Variants in UNC13C observed in about 807,000 individuals in gnomAD.
The protein encoded by UNC13C is protein unc-13 homolog C.
In UNC13C, 174 loss-of-function variants were observed where a neutral mutation model predicts 245.4. That is an observed-to-expected ratio of 0.71 (90% CI 0.63 to 0.80). UNC13C has a LOEUF of 0.80. Ranked by LOEUF, UNC13C falls within the 30% of genes least tolerant of loss-of-function variation. The probability of loss-of-function intolerance (pLI) is 0.00; values close to 1 mark genes in which losing one functional copy is unlikely to be tolerated. For synonymous variants in UNC13C, 992 were observed against 895.1 expected (o/e 1.11, Z -1.93); for missense variants, 2,829 against 2,602.9 (o/e 1.09, Z -1.89).
chr15:54,472,631 C>T (rs1892522879), intron 19 of UNC13C, among the ~76,000 whole-genome samples: 1 of 151,778 alleles, frequency 6.6e-6, no homozygotes. Flanking sequence ...ATCACTCCTT[C>T]CTTTTTTCTG....
At chr15:53,966,370 A>C in the UNC13C span, among the ~76,000 whole-genome samples, 1 of 152,162 alleles carries the variant, frequency 6.6e-6, no homozygotes, top group Admixed American at 6.6e-5. Context: ...TTTTATGCCA[A>C]CATTTTTCCA....
chr15:54,297,246 G>A (rs2037460255), intron 11 of UNC13C, among the ~76,000 whole-genome samples: 1 of 152,054 alleles, frequency 6.6e-6, no homozygotes, highest in Non-Finnish European at 1.5e-5. Flanking sequence ...GAATTGCAGG[G>A]TCTTCTGATT....
At chr15:53,902,868 G>T in the UNC13C span, among the ~76,000 whole-genome samples, 1 of 152,262 alleles carries the variant, frequency 6.6e-6, no homozygotes, top group Non-Finnish European at 1.5e-5. Context: ...AGGTATGAAG[G>T]CAGAAAATAA....
At chr15:54,073,163 A>G (rs1566991406) in intron 2 of UNC13C, among the ~76,000 whole-genome samples, 1 of 152,110 alleles carries the variant, frequency 6.6e-6, no homozygotes, top group East Asian at 1.9e-4. Flanking sequence ...TAGTTTGCTG[A>G]GAATGGTGGT....
At chr15:54,356,883 A>T (rs2039107663) in intron 17 of UNC13C, among the ~76,000 whole-genome samples, 1 of 152,150 alleles carries the variant, frequency 6.6e-6, no homozygotes, top group South Asian at 2.1e-4. Flanking sequence ...ACATATTTGT[A>T]TATTAAAAAG....
intron 2 of UNC13C, among the ~76,000 whole-genome samples, chr15:54,016,186 A>G (rs982929735): frequency 5.3e-5 from 8 of 152,228 alleles, no homozygotes; most frequent in Admixed American, 2.0e-4. Flanking sequence ...AACATCAACT[A>G]ACTTTGTGGC....
At chr15:54,401,738 G>T (rs578089291) in intron 18 of UNC13C, among the ~76,000 whole-genome samples, 26 of 152,166 alleles carry the variant, frequency 1.7e-4, no homozygotes, top group African/African-American at 6.0e-4. Context: ...ATCTGTGGTC[G>T]TTCAACGCAC....
chr15:54,061,970 A>T (rs1232632304), intron 2 of UNC13C, among the ~76,000 whole-genome samples: 1 of 152,160 alleles, frequency 6.6e-6, no homozygotes, highest in African/African-American at 2.4e-5. Flanking sequence ...AACTTAAATT[A>T]TTCATTCATG....
Position 54,626,907 on chromosome 15 carries a change from C to G in UNC13C, c.6439C>G (p.Arg2147Gly), listed in dbSNP as rs760050642. ...VKDYCFARED[R>G]IIGMTVIQLQ... Reference sequence around the variant, plus strand: ...GGATTACTGCTTTGCCAGAGAAGATCGAATTATCGGAATGACAGTCATTCA... The same window carrying G: ...GGATTACTGCTTTGCCAGAGAAGATGGAATTATCGGAATGACAGTCATTCA... Residue 2147 changes from arginine (R) to glycine (G), a missense_variant, in exon 33 of 33, where the codon CGA (arginine) becomes GGA (glycine). Arg to Gly is a moderately radical substitution (Grantham distance 125). Transcript: ENST00000260323. 6.2e-7 allele frequency: 1 copy of G among 1,613,214 alleles called. No individual in the cohort carries two copies. The highest frequency in any genetic ancestry group is 1.1e-5 in the South Asian group (1 of 91,056).
downstream of UNC13C, chr15:54,629,046 T>C (rs980285201): frequency 6.6e-6 from 1 of 152,064 alleles, no homozygotes; most frequent in Non-Finnish European, 1.5e-5. Context: ...TAAATGCCCA[T>C]CAACAGTAGA....
chr15:54,124,300 A>G (rs935125629), intron 2 of UNC13C, among the ~76,000 whole-genome samples: 5 of 152,170 alleles, frequency 3.3e-5, no homozygotes, highest in African/African-American at 1.2e-4. Flanking sequence ...CCTCTCCACC[A>G]TTTGGTATTG....
chr15:53,892,653 C>T, the UNC13C span, among the ~76,000 whole-genome samples: 1 of 152,026 alleles, frequency 6.6e-6, no homozygotes, highest in Non-Finnish European at 1.5e-5. Context: ...CTTTCTTCCG[C>T]TTGATTGATT....
the UNC13C span, among the ~76,000 whole-genome samples, chr15:53,860,359 G>A: frequency 1.3e-5 from 2 of 152,088 alleles, no homozygotes; most frequent in Non-Finnish European, 2.9e-5. Flanking sequence ...GGATCCTCAG[G>A]GAGGTAACTC....
intron 2 of UNC13C, among the ~76,000 whole-genome samples, chr15:54,036,254 A>G (rs1341220814): frequency 6.6e-6 from 1 of 152,188 alleles, no homozygotes; most frequent in African/African-American, 2.4e-5. Context: ...GGTCTAATTC[A>G]GTGGTTTTCA....
chr15:53,874,560 C>A, the UNC13C span, among the ~76,000 whole-genome samples: 5 of 152,140 alleles, frequency 3.3e-5, no homozygotes. Context: ...GGTGAGAGAT[C>A]CTTTACCCAG....
At chr15:54,186,162 G>C (rs2033975202) in intron 4 of UNC13C, among the ~76,000 whole-genome samples, 1 of 152,076 alleles carries the variant, frequency 6.6e-6, no homozygotes, top group Non-Finnish European at 1.5e-5. Context: ...AGCTTAAGGA[G>C]ATTTTGGGCT....
chr15:54,530,088 A>G (rs1895666933), intron 25 of UNC13C, among the ~76,000 whole-genome samples: 1 of 152,174 alleles, frequency 6.6e-6, no homozygotes, highest in African/African-American at 2.4e-5. Flanking sequence ...GGGTGAGGCA[A>G]TAGAGGTAGG....
At chr15:54,030,623 A>T (rs116808961) in intron 2 of UNC13C, among the ~76,000 whole-genome samples, 1,585 of 152,322 alleles carry the variant, frequency 0.01, 27 homozygotes, top group African/African-American at 0.037. Flanking sequence ...GTATTGCTAT[A>T]ACAAAATATC....
intron 8 of UNC13C, among the ~76,000 whole-genome samples, chr15:54,250,883 A>G: frequency 6.7e-6 from 1 of 150,176 alleles, no homozygotes; most frequent in East Asian, 2.0e-4. Flanking sequence ...CAGCCTCCCA[A>G]GTAGCTGGGA....
Sources: gnomAD v4.1 joint callset for allele counts (sites outside exome capture counted in the v4.1 genomes callset) on GRCh38, gnomAD v4.1.1 for gene constraint, MANE v1.5 for transcripts, NCBI Gene and HGNC (gene_info 2026-07-23, HGNC 2026-07-21) for gene names.